Variants in OTUD5 observed in about 807,000 individuals in gnomAD.
OTUD5 encodes the protein OTU domain-containing protein 5.
A neutral mutation model predicts 36.3 loss-of-function variants in OTUD5; 2 were observed. That is an observed-to-expected ratio of 0.06 (90% CI 0.02 to 0.17). OTUD5 has a LOEUF of 0.17. Among genes scored for constraint, OTUD5 ranks in the 10% least tolerant of loss-of-function variants. The pLI, the probability that OTUD5 is intolerant of heterozygous loss-of-function variation, is 1.00. For synonymous variants in OTUD5, 234 were observed against 214.9 expected, an observed-to-expected ratio of 1.09 and a Z score of -0.78; for missense variants, 233 against 512.3, an observed-to-expected ratio of 0.45 and a Z score of 5.26.
At chrX:48,929,900 G>A (rs2063725912) in intron 5 of OTUD5, among the ~76,000 whole-genome samples, 2 of 110,478 alleles carry the variant, frequency 1.8e-5, no homozygotes, top group Non-Finnish European at 3.8e-5. Context: ...TCAGGAGATT[G>A]AGACCATCCT....
intron 5 of OTUD5, 141 bp downstream of exon 5, chrX:48,934,320 ATTT>A (rs10715761): frequency 1.3e-3 from 492 of 373,316 alleles, no homozygotes; most frequent in Admixed American, 2.2e-3. Flanking sequence ...GTAACTCCCT[ATTT>A]TTTTTTTTTT....
At chrX:48,928,851 G>C (rs2063706362) in intron 5 of OTUD5, among the ~76,000 whole-genome samples, 2 of 100,714 alleles carry the variant, frequency 2.0e-5, no homozygotes, top group African/African-American at 7.2e-5. Flanking sequence ...AAAACAGTAT[G>C]AAAAGGCTAC....
chrX:48,925,742 C>T, intron 6 of OTUD5, 105 bp downstream of exon 6: 1 of 612,997 alleles, frequency 1.6e-6, no homozygotes, highest in South Asian at 2.7e-5. Flanking sequence ...ATGCTTCCTT[C>T]CCTCCCAGAT....
At position 48,934,741 on chromosome X, in the gene OTUD5, G is replaced by A. The variant is rs1251450102; in HGVS notation, c.880C>T (p.Arg294Cys). ...CTGTACTGGTACACCTCCACAGGAC[G>A]GTTGTACATCTCTGCCATGGCCTGC... ...EMQAMAEMYNRPVEVYQYSTE... is the reference protein window; with the variant it reads ...EMQAMAEMYNCPVEVYQYSTE... Residue 294 changes from arginine to cysteine, a missense_variant, in exon 4 of 9, where the codon CGT becomes TGT. Arg to Cys is a radical substitution (Grantham distance 180, BLOSUM62 -3). Coordinates refer to ENST00000376488, the MANE Select transcript of OTUD5 (RefSeq NM_001136157.2). 8.3e-7 allele frequency: 1 copy of A among 1,208,340 alleles called. No homozygotes were observed. The highest frequency in any genetic ancestry group is 1.1e-6 in the Non-Finnish European group (1 of 893,978).
intron 5 of OTUD5, among the ~76,000 whole-genome samples, chrX:48,931,491 G>A (rs782480632): frequency 1.1e-4 from 12 of 112,556 alleles, no homozygotes; most frequent in Non-Finnish European, 1.7e-4. Flanking sequence ...TAATAGTAAC[G>A]TATTAGGCTG....
intron 1 of OTUD5, among the ~76,000 whole-genome samples, chrX:48,949,849 T>C (rs1168053692): frequency 1.8e-5 from 2 of 108,159 alleles, no homozygotes; most frequent in South Asian, 4.0e-4. Context: ...GCCAGCACTG[T>C]CTGAAAAGAA....
Position 48,934,704 on chromosome X carries a change from G to A in OTUD5, c.910+7C>T. 8.3e-7 allele frequency: 1 copy of A among 1,206,777 alleles called. No individual in the cohort carries two copies. Among genetic ancestry groups the A allele is most frequent in the East Asian group, 3.0e-5 (1 of 33,802 alleles). ...ATCTTTCCCTCACCTACCCACTGCA[G>A]AAGTACCTGTGCTGTACTGGTACAC... On this transcript the variant is annotated splice_region_variant and intron_variant, in intron 4 of 8. Coordinates refer to ENST00000376488, the MANE Select transcript of OTUD5 (RefSeq NM_001136157.2).
At chrX:48,957,733 G>C, upstream of OTUD5, 1 of 731,660 alleles carries the variant, frequency 1.4e-6, no homozygotes, top group Non-Finnish European at 1.6e-6. Context: ...GGAGGAGGCG[G>C]CGGCGGCGGC....
intron 1 of OTUD5, among the ~76,000 whole-genome samples, chrX:48,952,771 C>T (rs2064169322): frequency 8.9e-6 from 1 of 112,567 alleles, no homozygotes; most frequent in Non-Finnish European, 1.9e-5. Flanking sequence ...CTCAAATCCA[C>T]GTTGCCTGGG....
intron 2 of OTUD5, among the ~76,000 whole-genome samples, chrX:48,937,538 G>C (rs2063847802): frequency 8.9e-6 from 1 of 112,311 alleles, no homozygotes; most frequent in South Asian, 3.7e-4. Flanking sequence ...GGAGACTGTG[G>C]AACAGGGAAG....
chrX:48,934,411 A>G, intron 5 of OTUD5, 53 bp downstream of exon 5: 2 of 1,111,533 alleles, frequency 1.8e-6, no homozygotes, highest in Non-Finnish European at 2.4e-6. Flanking sequence ...ACTCCAACAG[A>G]GGTTTCTGAC....
intron 1 of OTUD5, among the ~76,000 whole-genome samples, chrX:48,946,031 C>G (rs1222881034): frequency 1.8e-5 from 2 of 111,189 alleles, no homozygotes; most frequent in African/African-American, 6.5e-5. Flanking sequence ...TGGACACAGG[C>G]CTGCCCAGGG....
intron 2 of OTUD5, among the ~76,000 whole-genome samples, chrX:48,938,117 T>C (rs782662533): frequency 8.9e-6 from 1 of 112,095 alleles, no homozygotes; most frequent in African/African-American, 3.2e-5. Flanking sequence ...ATCTGTAAAA[T>C]GTAAAATACC....
chrX:48,938,544 A>G (rs2063866318), intron 2 of OTUD5, among the ~76,000 whole-genome samples: 1 of 110,020 alleles, frequency 9.1e-6, no homozygotes, highest in Non-Finnish European at 1.9e-5. Context: ...AATACAAAAA[A>G]TTAGCCAGGC....
chrX:48,934,900 T>C (rs200649564), intron 3 of OTUD5, 33 bp from the exon 4 acceptor site: 8 of 1,203,516 alleles, frequency 6.6e-6, no homozygotes, highest in Non-Finnish European at 7.9e-6. Flanking sequence ...AAGGTCTGTG[T>C]GGAGAAGAAA....
chrX:48,937,982 A>C (rs1377973908), intron 2 of OTUD5, among the ~76,000 whole-genome samples: 2 of 112,308 alleles, frequency 1.8e-5, no homozygotes, highest in Non-Finnish European at 1.9e-5. Flanking sequence ...CCAAAGGTCC[A>C]CAAGTCTACC....
chrX:48,953,882 G>A (rs2064188893), intron 1 of OTUD5, among the ~76,000 whole-genome samples: 1 of 110,691 alleles, frequency 9.0e-6, no homozygotes, highest in Non-Finnish European at 1.9e-5. Flanking sequence ...CCTCAACGAC[G>A]CCTCTCTTCC....
intron 1 of OTUD5, among the ~76,000 whole-genome samples, chrX:48,952,041 G>A (rs1557054079): frequency 3.6e-5 from 4 of 109,966 alleles, no homozygotes; most frequent in Non-Finnish European, 5.7e-5. Context: ...GGGCAGCAGA[G>A]CAAGACTCCA....
chrX:48,955,688 G>A (rs1393397349), intron 1 of OTUD5, among the ~76,000 whole-genome samples: 2 of 111,426 alleles, frequency 1.8e-5, no homozygotes, highest in Admixed American at 9.5e-5. Flanking sequence ...CAAGGCATGG[G>A]TCGTATGTCC....
Sources: allele counts gnomAD v4.1 joint callset (sites outside exome capture counted in the v4.1 genomes callset), GRCh38; gene constraint gnomAD v4.1.1; transcripts MANE v1.5; gene names NCBI Gene and HGNC (gene_info 2026-07-23, HGNC 2026-07-21).